Variants in KIF3C observed in about 807,000 individuals in gnomAD.
KIF3C encodes the protein kinesin family member 3C.
In KIF3C, 12 loss-of-function variants were observed where a neutral mutation model predicts 67.7. The observed-to-expected ratio is 0.18, with a 90% CI of 0.11 to 0.29. The LOEUF (loss-of-function observed/expected upper bound fraction) is 0.29. KIF3C is among the 10% of genes least tolerant of loss of function. The probability of loss-of-function intolerance (pLI) is 1.00; values close to 1 mark genes in which losing one functional copy is unlikely to be tolerated. For synonymous variants in KIF3C, 393 were observed against 426.2 expected, an observed-to-expected ratio of 0.92 and a Z score of 0.96; for missense variants, 789 against 1,059.6, an observed-to-expected ratio of 0.74 and a Z score of 3.55.
At chr2:25,968,136 A>G (rs1445400302) in intron 1 of KIF3C, among the ~76,000 whole-genome samples, 3 of 152,176 alleles carry the variant, frequency 2.0e-5, no homozygotes, top group Admixed American at 6.5e-5. Flanking sequence ...AATGAAAGAG[A>G]CAATGGGGAG....
At chr2:25,942,473 C>T (rs1038958566) in intron 5 of KIF3C, among the ~76,000 whole-genome samples, 19 of 151,314 alleles carry the variant, frequency 1.3e-4, no homozygotes, top group Middle Eastern at 3.2e-3. Context: ...TGCAATAGCA[C>T]GATCTTGCCT....
chr2:25,967,862 AAAC>A (rs1217864684), intron 1 of KIF3C, among the ~76,000 whole-genome samples: 3 of 152,136 alleles, frequency 2.0e-5, no homozygotes, highest in Admixed American at 2.0e-4. Flanking sequence ...AAACAAAACA[AAAC>A]AACCAGCGAG....
chr2:25,967,522 T>C (rs900221603), intron 1 of KIF3C, among the ~76,000 whole-genome samples: 2 of 152,202 alleles, frequency 1.3e-5, no homozygotes, highest in African/African-American at 2.4e-5. Flanking sequence ...GAACAGCAAG[T>C]TGGGCTGGGT....
chr2:25,947,975 C>G (rs1663490864), intron 5 of KIF3C, among the ~76,000 whole-genome samples: 1 of 152,174 alleles, frequency 6.6e-6, no homozygotes, highest in Non-Finnish European at 1.5e-5. Flanking sequence ...AGCCTGGGCT[C>G]AAGCAATCTT....
chr2:25,934,028 CT>C (rs2090484140), intron 5 of KIF3C: 1 of 408,698 alleles, frequency 2.4e-6, no homozygotes. Flanking sequence ...TGGAATATTA[CT>C]CACCAATACA....
rs13017106 is a variant in KIF3C at position 25,962,916 on chromosome 2, T to C, written c.1546-6472A>G. Reference sequence around the variant, plus strand: ...TATAAAATATATATAATATATAATATATATAATATATAATACATATAATAT... The same window carrying C: ...TATAAAATATATATAATATATAATACATATAATATATAATACATATAATAT... On this transcript the variant is annotated intron_variant, in intron 1 of 7. Coordinates refer to ENST00000264712, the MANE Select transcript of KIF3C (RefSeq NM_002254.8). Among the ~76,000 whole-genome samples, 37 of 46,252 alleles carry C rather than the reference T, an allele frequency of 8.0e-4. 2 individuals are homozygous for C. The highest frequency in any genetic ancestry group is 4.0e-3 in the South Asian group (7 of 1,750). The allele number at this position is 46,252 out of a possible 152,430, so 30.3% of individuals were successfully genotyped here.
intron 5 of KIF3C, among the ~76,000 whole-genome samples, chr2:25,945,393 T>C (rs995535069): frequency 6.6e-6 from 1 of 150,980 alleles, no homozygotes; most frequent in Non-Finnish European, 1.5e-5. Flanking sequence ...TTGGTCTGGG[T>C]AGTCCCTTTA....
intron 5 of KIF3C, among the ~76,000 whole-genome samples, chr2:25,935,733 G>C (rs904802422): frequency 2.6e-5 from 4 of 152,044 alleles, no homozygotes; most frequent in African/African-American, 9.7e-5. Context: ...TTAGGACCCA[G>C]TTACATTACT....
chr2:25,940,178 C>A (rs559886350), intron 5 of KIF3C, among the ~76,000 whole-genome samples: 2 of 152,292 alleles, frequency 1.3e-5, no homozygotes, highest in Admixed American at 6.5e-5. Flanking sequence ...AGGCCTGGAA[C>A]CTTACATTAT....
At chr2:25,941,285 C>T (rs1663277046) in intron 5 of KIF3C, among the ~76,000 whole-genome samples, 1 of 151,738 alleles carries the variant, frequency 6.6e-6, no homozygotes, top group African/African-American at 2.4e-5. Flanking sequence ...GCCTGGGCAA[C>T]ACAGTGAGAC....
At chr2:25,975,026 C>CAAAAAAAAAAAAAAAAAAA (rs1196962529) in intron 1 of KIF3C, among the ~76,000 whole-genome samples, 10 of 116,482 alleles carry the variant, frequency 8.6e-5, no homozygotes, top group South Asian at 2.8e-4. Context: ...AACTCCATCT[C>CAAAAAAAAAAAAAAAAAAA]AAAAAAAAAA....
Position 25,956,464 on chromosome 2 carries a change from G to A in KIF3C, c.1546-20C>T, listed in dbSNP as rs779387915. ...CATGGCCTGGGGACACAGAGGGGTTGGGAGGTGGGCTTTGCAAAGGGTCCA... is the reference window on the plus strand; with the variant it reads ...CATGGCCTGGGGACACAGAGGGGTTAGGAGGTGGGCTTTGCAAAGGGTCCA... On this transcript the variant is annotated intron_variant, in intron 1 of 7. Coordinates refer to ENST00000264712, the MANE Select transcript of KIF3C (RefSeq NM_002254.8). 4.4e-6 allele frequency: 7 copies of A among 1,594,804 alleles called. No individual in the cohort carries two copies. The highest frequency in any genetic ancestry group is 5.2e-6 in the Non-Finnish European group (6 of 1,163,226).
rs189071686 is a variant in KIF3C at position 25,966,465 on chromosome 2, G to A, written c.1546-10021C>T. Among the ~76,000 whole-genome samples the A allele has an allele frequency of 6.3e-4, 96 of 152,282 alleles. 1 individual carries two copies. Among genetic ancestry groups the A allele is most frequent in the African/African-American group, 2.2e-3 (90 of 41,558 alleles). ...CAAATAACTTCCCAATTTGACTAAG[G>A]CTCTGATTCCAGGTATCAGAGGCAG... On this transcript the variant is annotated intron_variant, in intron 1 of 7. Transcript: ENST00000264712.
Position 25,936,672 on chromosome 2 carries a change from AG to A in KIF3C, c.2007-6610del, listed in dbSNP as rs144414594. On this transcript the variant is annotated intron_variant, in intron 5 of 7. Transcript: ENST00000264712. ...TCCAGGAATGGAAGTGTTGCATTGC[AG>A]GGTATGTGGATTTTCAGCTTTACTT... 8.3e-3 allele frequency among the ~76,000 whole-genome samples: 1,259 copies of A among 152,256 alleles called. 13 individuals carry two copies. Among genetic ancestry groups the A allele is most frequent in the African/African-American group, 0.028 (1,173 of 41,546 alleles).
intron 1 of KIF3C, among the ~76,000 whole-genome samples, chr2:25,973,486 G>A (rs570107858): frequency 4.0e-4 from 61 of 151,428 alleles, no homozygotes; most frequent in African/African-American, 1.3e-3. Flanking sequence ...CCCGGGAAGC[G>A]GAGGTTGCAG....
chr2:25,962,987 TA>T (rs1263845524), intron 1 of KIF3C, among the ~76,000 whole-genome samples: 10 of 52,764 alleles, frequency 1.9e-4, no homozygotes, highest in South Asian at 1.8e-3. Flanking sequence ...ATATAATATA[TA>T]ATATATATAA....
rs2090417358 is a variant in KIF3C, at chr2:25,927,096, C to T, written c.*1882G>A. Reference sequence around the variant, plus strand: ...GGCAGGAGCTCCTCCTCCGACCATACCTCGGGCCCAGCCCTCGGACTGGGG... The same window carrying T: ...GGCAGGAGCTCCTCCTCCGACCATATCTCGGGCCCAGCCCTCGGACTGGGG... On this transcript the variant is annotated 3_prime_UTR_variant, in exon 8 of 8. Coordinates refer to ENST00000264712, the MANE Select transcript of KIF3C (RefSeq NM_002254.8). 1 of 152,696 alleles carries T rather than the reference C, an allele frequency of 6.5e-6. No homozygotes were observed. Among genetic ancestry groups the T allele is most frequent in the African/African-American group, 2.4e-5 (1 of 41,424 alleles). The allele number at this position is 152,696 out of a possible 1,614,324, so 9.5% of individuals were successfully genotyped here.
chr2:25,980,506 T>A lies in KIF3C; in HGVS notation c.1412A>T (p.Glu471Val), dbSNP rs751997877. The change falls in exon 1 of 8, where the codon GAG becomes GTG. Residue 471 changes from glutamate to valine, a missense_variant. By Grantham distance (121) the Glu-to-Val change is moderately radical. Around this residue, in one of 2 missense-constraint regions of KIF3C, gnomAD observed 648 missense variants for 807.8 expected, o/e 0.80. Coordinates refer to ENST00000264712, the MANE Select transcript of KIF3C (RefSeq NM_002254.8). The surrounding 1 kb of genome is among the most constrained non-coding windows in gnomAD (Gnocchi z 7.6). The stretch of plus-strand genomic sequence containing the variant: ...GCGGTCATCCTGGATGGCTGCCTTC[T>A]CCTCCTCCAGCCGCTCCTTCTGTTC... ...LQEQKERLEEEKAAIQDDRSL... is the reference protein window; with the variant it reads ...LQEQKERLEEVKAAIQDDRSL... 1 of 1,614,112 alleles carries A rather than the reference T, an allele frequency of 6.2e-7. No homozygotes were observed.
intron 5 of KIF3C, among the ~76,000 whole-genome samples, chr2:25,938,554 G>A (rs1663200301): frequency 6.6e-6 from 1 of 152,106 alleles, no homozygotes; most frequent in Non-Finnish European, 1.5e-5. Context: ...GGTGAGCAGA[G>A]GATCAGCGCA....
Sources: allele counts gnomAD v4.1 joint callset (sites outside exome capture counted in the v4.1 genomes callset), GRCh38; gene constraint gnomAD v4.1.1; regional missense constraint gnomAD v4.1.1; non-coding constraint Gnocchi (gnomAD v3.1); transcripts MANE v1.5; gene names NCBI Gene and HGNC (gene_info 2026-07-23, HGNC 2026-07-21).